Variants in UST observed in about 807,000 individuals in gnomAD.
The protein encoded by UST is uronyl 2-sulfotransferase.
Under a neutral mutation model 45.6 loss-of-function variants are expected in UST, and 21 were observed. The observed-to-expected ratio is 0.46, with a 90% CI of 0.33 to 0.66. The LOEUF is 0.66. Ranked by LOEUF, UST falls within the 30% of genes least tolerant of loss-of-function variation. The pLI, the probability that UST is intolerant of heterozygous loss-of-function variation, is 0.02. For missense variants in UST, 463 were observed against 512.4 expected, an observed-to-expected ratio of 0.90 and a Z score of 0.93; for synonymous variants, 215 against 200.6, an observed-to-expected ratio of 1.07 and a Z score of -0.61.
rs775108598 is a variant in UST at position 148,747,400 on chromosome 6, G to A, written c.-31G>A. 3.6e-6 allele frequency: 5 copies of A among 1,371,098 alleles called. No homozygotes were observed. The highest frequency in any genetic ancestry group is 4.7e-6 in the Non-Finnish European group (5 of 1,056,594). The allele number at this position is 1,371,098 out of a possible 1,614,324, so 84.9% of individuals were successfully genotyped here. On this transcript the variant is annotated 5_prime_UTR_variant, in exon 1 of 8. Transcript: ENST00000367463. ...CGGATGGGTGACCTTTTCCTGGCAC[G>A]GGCAGGCTGTGGGAGGCAGCGGAGC...
At chr6:148,962,330 G>T (rs1036347337) in intron 4 of UST, among the ~76,000 whole-genome samples, 10 of 152,262 alleles carry the variant, frequency 6.6e-5, no homozygotes, top group Non-Finnish European at 1.5e-4. Flanking sequence ...CTCCTGATGG[G>T]ATGCTGTGCA....
At chr6:148,927,062 C>A (rs1008040048) in intron 2 of UST, among the ~76,000 whole-genome samples, 3 of 152,036 alleles carry the variant, frequency 2.0e-5, no homozygotes, top group African/African-American at 4.8e-5. Flanking sequence ...GAAGACATTA[C>A]TGCTGGAGCA....
intron 5 of UST, among the ~76,000 whole-genome samples, chr6:148,980,088 A>G (rs992345647): frequency 3.9e-5 from 6 of 152,128 alleles, no homozygotes; most frequent in South Asian, 2.1e-4. Context: ...AAGGACTCAC[A>G]GTCTCTCTTG....
rs1408596660 is a variant in UST at position 148,748,874 on chromosome 6, G to A, written c.247+1197G>A. Among the ~76,000 whole-genome samples the A allele has an allele frequency of 2.6e-5, 4 of 151,394 alleles. No individual in the cohort carries two copies. The highest frequency in any genetic ancestry group is 5.9e-5 in the Non-Finnish European group (4 of 67,934). The stretch of plus-strand genomic sequence containing the variant: ...TTACCCCAAACGTCACTTCGTGGCA[G>A]AAGCCACAGGTCTAGATAGTAGACC... On this transcript the variant is annotated intron_variant, in intron 1 of 7. Transcript: ENST00000367463. The surrounding 1 kb of genome is among the most constrained non-coding windows in gnomAD (Gnocchi z 5.3).
At chr6:149,048,301 A>G (rs1464546872) in intron 7 of UST, among the ~76,000 whole-genome samples, 4 of 152,112 alleles carry the variant, frequency 2.6e-5, no homozygotes, top group Admixed American at 2.0e-4. Context: ...CTAGCACTTT[A>G]GGAGGCCGAG....
At chr6:148,998,517 A>G (rs1781491601) in intron 5 of UST, among the ~76,000 whole-genome samples, 1 of 152,344 alleles carries the variant, frequency 6.6e-6, no homozygotes, top group East Asian at 1.9e-4. Context: ...ATATATTTCC[A>G]TGATTATTTT....
chr6:149,049,010 A>G (rs1776436038), intron 7 of UST, among the ~76,000 whole-genome samples: 1 of 152,194 alleles, frequency 6.6e-6, no homozygotes. Flanking sequence ...GAACTGATAG[A>G]AAAATCCTGT....
intron 2 of UST, among the ~76,000 whole-genome samples, chr6:148,940,623 A>C (rs1780107609): frequency 6.6e-6 from 1 of 152,228 alleles, no homozygotes; most frequent in African/African-American, 2.4e-5. Flanking sequence ...GCAGTCCTTC[A>C]AAAAATTAAA....
At chr6:149,012,865 A>G (rs899571677) in intron 5 of UST, among the ~76,000 whole-genome samples, 16 of 152,286 alleles carry the variant, frequency 1.1e-4, no homozygotes, top group Admixed American at 1.0e-3. Context: ...ATATAAGATT[A>G]AGTAAAAAGG....
chr6:148,930,797 T>C (rs1247686541), intron 2 of UST, among the ~76,000 whole-genome samples: 1 of 152,228 alleles, frequency 6.6e-6, no homozygotes, highest in Non-Finnish European at 1.5e-5. Context: ...TTTTAAATTA[T>C]GGGTTATGTT....
chr6:148,849,327 C>T (rs1234237123), intron 1 of UST, among the ~76,000 whole-genome samples: 3 of 152,122 alleles, frequency 2.0e-5, no homozygotes, highest in Admixed American at 2.0e-4. Flanking sequence ...GCATAAACCT[C>T]CTTCTTTGAG....
At chr6:148,833,290 C>T (rs1021177701) in intron 1 of UST, among the ~76,000 whole-genome samples, 1 of 152,142 alleles carries the variant, frequency 6.6e-6, no homozygotes, top group African/African-American at 2.4e-5. Flanking sequence ...GAGTTGGAGA[C>T]CAGCCTGGGC....
In UST at chr6:148,936,332, CAAACTCCATTA is replaced by C. The variant is rs1397467473; in HGVS notation, c.292-4946_292-4936del. ...ATTATTCTAAATTGCTTCTGGACCT[CAAACTCCATTA>C]TGTTAGGAATCTGTGATCCACGGGG... On this transcript the variant is annotated intron_variant, in intron 2 of 7. Transcript: ENST00000367463. Among the ~76,000 whole-genome samples the C allele has an allele frequency of 7.2e-5, 11 of 152,216 alleles. No homozygotes were observed. The East Asian group carries it at 2.1e-3, about 29-fold the overall frequency.
At chr6:148,759,933 A>G (rs1260495756) in intron 1 of UST, among the ~76,000 whole-genome samples, 2 of 151,592 alleles carry the variant, frequency 1.3e-5, no homozygotes, top group African/African-American at 4.9e-5. Context: ...CTTGAGAATC[A>G]CTGAAGTAGA....
intron 5 of UST, among the ~76,000 whole-genome samples, chr6:148,995,850 G>T (rs1055564716): frequency 6.6e-6 from 1 of 152,220 alleles, no homozygotes; most frequent in Non-Finnish European, 1.5e-5. Flanking sequence ...TGCATTCCTA[G>T]TTTGCCCTGC....
chr6:148,977,804 A>ACC (rs1252495282), intron 5 of UST, among the ~76,000 whole-genome samples: 2 of 151,004 alleles, frequency 1.3e-5, no homozygotes, highest in Admixed American at 6.6e-5. Context: ...GCCGTCCGCT[A>ACC]CCCCCACCCC....
intron 1 of UST, among the ~76,000 whole-genome samples, chr6:148,747,885 G>A (rs928453893): frequency 2.6e-5 from 4 of 152,118 alleles, no homozygotes; most frequent in Non-Finnish European, 4.4e-5. Context: ...AGGCGGGGGC[G>A]CCGCTGGGTT....
chr6:148,772,962 T>C (rs1776460694), intron 1 of UST, among the ~76,000 whole-genome samples: 1 of 152,230 alleles, frequency 6.6e-6, no homozygotes, highest in Non-Finnish European at 1.5e-5. Context: ...GAACCTCTTT[T>C]TCCAATTCAG....
At chr6:148,841,044 GAAA>G (rs11407927) in intron 1 of UST, among the ~76,000 whole-genome samples, 5 of 138,612 alleles carry the variant, frequency 3.6e-5, no homozygotes, top group African/African-American at 1.3e-4. Flanking sequence ...ATTTTGAAAT[GAAA>G]AAAAAAAAAA....
Sources: allele counts gnomAD v4.1 joint callset (sites outside exome capture counted in the v4.1 genomes callset), GRCh38; gene constraint gnomAD v4.1.1; non-coding constraint Gnocchi (gnomAD v3.1); transcripts MANE v1.5; gene names NCBI Gene and HGNC (gene_info 2026-07-23, HGNC 2026-07-21).